Variants in DMGDH observed in about 807,000 individuals in gnomAD.
DMGDH encodes the protein dimethylglycine dehydrogenase, also known as dimethylglycine dehydrogenase, mitochondrial.
DMGDH carries 76 observed loss-of-function variants against 95.2 expected under a neutral mutation model. The observed-to-expected ratio is 0.80, with a 90% CI of 0.66 to 0.97. The LOEUF is 0.97. DMGDH is among the 50% of genes least tolerant of loss of function. DMGDH has a pLI of 0.00. For missense variants in DMGDH, 987 were observed against 1,055.0 expected (o/e 0.94, Z 0.89); for synonymous variants, 345 against 377.6 (o/e 0.91, Z 1.00).
At chr5:79,046,975 T>C (rs1430382016) in intron 5 of DMGDH, among the ~76,000 whole-genome samples, 2 of 152,196 alleles carry the variant, frequency 1.3e-5, no homozygotes, top group African/African-American at 4.8e-5. Context: ...AAAGTGGAAA[T>C]GTATGCAGAA....
chr5:79,003,412 C>T (rs1472188406), intron 15 of DMGDH, among the ~76,000 whole-genome samples: 12 of 151,940 alleles, frequency 7.9e-5, no homozygotes, highest in Non-Finnish European at 1.5e-4. Context: ...AGGAAGAATA[C>T]ATATTGAGAA....
Position 79,037,968 on chromosome 5 carries a change from T to A in DMGDH, c.1193+4315A>T, listed in dbSNP as rs1288582036. 2.0e-5 allele frequency among the ~76,000 whole-genome samples: 3 copies of A among 152,204 alleles called. No homozygotes were observed. In the East Asian group the frequency reaches 5.8e-4, roughly 29 times the overall value. On this transcript the variant is annotated intron_variant, in intron 7 of 15. Coordinates refer to ENST00000255189, the MANE Select transcript of DMGDH (RefSeq NM_013391.3). ...GACATTTCATGTTCATGGATCAGAA[T>A]ACTTAATATTGTTCAGATGTCAATA... is the stretch of plus-strand genomic sequence containing the variant.
chr5:79,064,199 A>G (rs1755301432), intron 1 of DMGDH, among the ~76,000 whole-genome samples: 1 of 152,084 alleles, frequency 6.6e-6, no homozygotes, highest in African/African-American at 2.4e-5. Context: ...TAAAAAATAC[A>G]AAAATTATCC....
At chr5:79,030,286 C>T (rs1754120266) in intron 10 of DMGDH, among the ~76,000 whole-genome samples, 1 of 152,086 alleles carries the variant, frequency 6.6e-6, no homozygotes, top group South Asian at 2.1e-4. Flanking sequence ...ATTTTAAGTT[C>T]CCATCGAAAC....
At chr5:79,010,613 AG>A (rs1489397387) in intron 14 of DMGDH, among the ~76,000 whole-genome samples, 1 of 152,164 alleles carries the variant, frequency 6.6e-6, no homozygotes, top group East Asian at 1.9e-4. Context: ...TTCTTCCTTG[AG>A]CCCCCACTGT....
rs1457249008 is a variant in DMGDH at position 79,029,917 on chromosome 5, G to A, written c.1801C>T (p.Leu601Phe). Reference sequence around the variant, plus strand: ...GTGTGCACTTACCTAAGATCATGAAGTTCTGATCCAGAGCCAGTAATTAAA... The same window carrying A: ...GTGTGCACTTACCTAAGATCATGAAATTCTGATCCAGAGCCAGTAATTAAA... ...FLLITGSGSE[L>F]HDLRWIEEEA... The change falls in exon 11 of 16, where the codon CTT (leucine) becomes TTT (phenylalanine). Residue 601 changes from leucine to phenylalanine, a missense_variant. Physicochemically the swap from Leu to Phe is conservative, Grantham distance 22. Transcript: ENST00000255189. 4 of 1,614,046 alleles carry A rather than the reference G, an allele frequency of 2.5e-6. No homozygotes were observed. The highest frequency in any genetic ancestry group is 1.7e-5 in the Admixed American group (1 of 60,026).
At chr5:79,024,369 C>T in intron 13 of DMGDH, 39 bp from the exon 14 acceptor site, 1 of 1,555,998 alleles carries the variant, frequency 6.4e-7, no homozygotes, top group Non-Finnish European at 8.9e-7. Context: ...TAGATGAGTG[C>T]AAGTCATTTT....
intron 2 of DMGDH, among the ~76,000 whole-genome samples, chr5:79,062,464 G>A (rs1273025121): frequency 2.0e-5 from 3 of 150,670 alleles, no homozygotes; most frequent in Admixed American, 1.3e-4. Context: ...TCTCAGCCAA[G>A]GAAGGCTAAT....
intron 14 of DMGDH, among the ~76,000 whole-genome samples, chr5:79,012,036 C>T (rs932527761): frequency 6.6e-6 from 1 of 152,160 alleles, no homozygotes; most frequent in Non-Finnish European, 1.5e-5. Flanking sequence ...AGTCTTAGCT[C>T]ATTTCACCAT....
At chr5:79,024,551 T>C (rs1186846123) in intron 13 of DMGDH, among the ~76,000 whole-genome samples, 1 of 152,254 alleles carries the variant, frequency 6.6e-6, no homozygotes, top group East Asian at 1.9e-4. Context: ...ATATAGAAAC[T>C]AAAATTCACT....
chr5:78,999,361 CTCTG>C (rs1246355621), intron 15 of DMGDH, among the ~76,000 whole-genome samples: 4 of 152,142 alleles, frequency 2.6e-5, no homozygotes, highest in African/African-American at 9.7e-5. Context: ...GACAGAGTCT[CTCTG>C]TGTCACCCAG....
At chr5:79,019,896 T>C (rs1055262723) in intron 14 of DMGDH, among the ~76,000 whole-genome samples, 1 of 151,996 alleles carries the variant, frequency 6.6e-6, no homozygotes, top group Non-Finnish European at 1.5e-5. Flanking sequence ...ATAAAAATAG[T>C]TAGATAGACA....
At chr5:79,056,475 G>A (rs772410777) in intron 2 of DMGDH, among the ~76,000 whole-genome samples, 24 of 151,966 alleles carry the variant, frequency 1.6e-4, no homozygotes, top group Admixed American at 3.9e-4. Flanking sequence ...ACTAAAAGGC[G>A]GAGCTTGCAG....
chr5:79,024,117 G>C (rs1753932648), intron 14 of DMGDH, among the ~76,000 whole-genome samples, 154 bp downstream of exon 14: 1 of 152,176 alleles, frequency 6.6e-6, no homozygotes, highest in Admixed American at 6.5e-5. Context: ...GTTGACAAAA[G>C]AGTAATATGA....
chr5:79,029,956 G>A lies in DMGDH; in HGVS notation c.1762C>T (p.Pro588Ser). ...CCAGTAATTAAAAGAAACTCCCCAG[G>A]AGATTGGTGAGAAACAGTCAGCTCA... ...YAELTVSHQSPGEFLLITGSG... is the reference protein window; with the variant it reads ...YAELTVSHQSSGEFLLITGSG... The change falls in exon 11 of 16, where the codon CCT becomes TCT. Residue 588 changes from proline (P) to serine (S), a missense_variant. Transcript: ENST00000255189. 14 of 1,614,002 alleles carry A rather than the reference G, an allele frequency of 8.7e-6. No individual in the cohort carries two copies. Among genetic ancestry groups the A allele is most frequent in the Non-Finnish European group, 1.2e-5 (14 of 1,179,948 alleles).
At position 79,028,430 on chromosome 5, in the gene DMGDH, T is replaced by C. The variant is rs1328340223; in HGVS notation, c.2032+3A>G. The C allele has an allele frequency of 6.2e-7, 1 of 1,609,376 alleles. No homozygotes were observed. Among genetic ancestry groups the C allele is most frequent in the South Asian group, 1.1e-5 (1 of 90,946 alleles). ...CTTAGTCCAGGTTGTTTTCCAATCT[T>C]ACCAGTATAAGATATCCTAATAGCA... On this transcript the variant is annotated splice_donor_region_variant and intron_variant, in intron 12 of 15. Transcript: ENST00000255189.
chr5:79,010,350 G>A (rs1422687946), intron 14 of DMGDH, among the ~76,000 whole-genome samples: 1 of 152,200 alleles, frequency 6.6e-6, no homozygotes, highest in Admixed American at 6.5e-5. Flanking sequence ...GATATGGAGA[G>A]TCAGGGTAGT....
intron 10 of DMGDH, among the ~76,000 whole-genome samples, chr5:79,030,298 A>G (rs1435005033): frequency 6.6e-6 from 1 of 152,220 alleles, no homozygotes; most frequent in Non-Finnish European, 1.5e-5. Context: ...CATCGAAACA[A>G]TTAAGCAAAG....
chr5:79,016,915 G>A (rs1355096026), intron 14 of DMGDH, among the ~76,000 whole-genome samples: 1 of 151,982 alleles, frequency 6.6e-6, no homozygotes, highest in African/African-American at 2.4e-5. Context: ...ACATACTGAC[G>A]AAGATATAAA....
Sources: gnomAD v4.1 joint callset for allele counts (sites outside exome capture counted in the v4.1 genomes callset) on GRCh38, gnomAD v4.1.1 for gene constraint, MANE v1.5 for transcripts, NCBI Gene and HGNC (gene_info 2026-07-23, HGNC 2026-07-21) for gene names.